Variants in ATCAY observed in about 807,000 individuals in gnomAD.
The protein encoded by ATCAY is caytaxin.
In ATCAY, 22 loss-of-function variants were observed where a neutral mutation model predicts 47.7. The ratio of observed to expected loss-of-function variants is 0.46; its 90% CI spans 0.33 to 0.66. ATCAY has a LOEUF of 0.66. Among genes scored for constraint, ATCAY ranks in the 30% least tolerant of loss-of-function variants. The pLI, the probability that ATCAY is intolerant of heterozygous loss-of-function variation, is 0.02. For synonymous variants in ATCAY, 216 were observed against 207.6 expected, an observed-to-expected ratio of 1.04 and a Z score of -0.35; for missense variants, 452 against 515.0, an observed-to-expected ratio of 0.88 and a Z score of 1.18.
At chr19:3,902,340 T>C in intron 2 of ATCAY, 147 bp from the exon 3 acceptor site, 1 of 739,938 alleles carries the variant, frequency 1.4e-6, no homozygotes, top group South Asian at 1.5e-5. Flanking sequence ...TGTATATATT[T>C]AGGTCCAGTG....
At chr19:3,886,493 G>A (rs946316122) in intron 2 of ATCAY, among the ~76,000 whole-genome samples, 14 of 151,846 alleles carry the variant, frequency 9.2e-5, no homozygotes, top group African/African-American at 3.4e-4. Context: ...GGGAGGCTGA[G>A]GCAGGAGAAT....
intron 7 of ATCAY, among the ~76,000 whole-genome samples, chr19:3,910,207 G>GTCCTT (rs1242199844): frequency 6.6e-6 from 1 of 152,180 alleles, no homozygotes; most frequent in Non-Finnish European, 1.5e-5. Flanking sequence ...CACAGGATTT[G>GTCCTT]TCCTTTTGTG....
intron 2 of ATCAY, chr19:3,895,203 A>T (rs2038758111): frequency 4.4e-6 from 2 of 453,928 alleles, no homozygotes; most frequent in African/African-American, 4.2e-5. Flanking sequence ...GTCAGGTAAG[A>T]GCTAATGCTG....
rs1182992883 is a variant in ATCAY at position 3,885,614 on chromosome 19, A to G, written c.-41-113A>G. 5 of 491,736 alleles carry G rather than the reference A, an allele frequency of 1.0e-5. No individual in the cohort carries two copies. In the Admixed American group the frequency reaches 1.1e-4, roughly 11 times the overall value. 30.5% of individuals were successfully genotyped at this position (491,736 alleles called of 1,614,324 possible). A position where few individuals can be genotyped will look rare whatever the true frequency, so the allele number is the denominator to read the frequency against. On this transcript the variant is annotated intron_variant, in intron 1 of 12. Transcript: ENST00000450849. ...AGGAGAAAGGAGAGAGGGGGAGGGG[A>G]AGGGGGAGGGGGAGACGGAGGGGGA...
intron 12 of ATCAY, among the ~76,000 whole-genome samples, chr19:3,923,751 G>GAC (rs2039040360): frequency 6.7e-6 from 1 of 149,774 alleles, no homozygotes. Context: ...TGGATGGATG[G>GAC]GTAGATGGAT....
At chr19:3,895,250 C>G (rs531752413) in intron 2 of ATCAY, 1 of 453,904 alleles carries the variant, frequency 2.2e-6, no homozygotes, top group East Asian at 6.9e-5. Flanking sequence ...GAGTCTCACT[C>G]TGTCGCCAGG....
At chr19:3,913,373 C>T (rs1017711650) in intron 8 of ATCAY, among the ~76,000 whole-genome samples, 1 of 152,128 alleles carries the variant, frequency 6.6e-6, no homozygotes, top group Non-Finnish European at 1.5e-5. Context: ...CCGTCCTGTG[C>T]GGTGACATGG....
chr19:3,916,815 G>GT (rs879364855), intron 9 of ATCAY, among the ~76,000 whole-genome samples: 166 of 144,090 alleles, frequency 1.2e-3, no homozygotes, highest in African/African-American at 1.6e-3. Flanking sequence ...GGTTTTTCTG[G>GT]TTTTTTTTTT....
At chr19:3,906,738 C>T (rs1369971071) in intron 4 of ATCAY, among the ~76,000 whole-genome samples, 2 of 152,130 alleles carry the variant, frequency 1.3e-5, no homozygotes, top group Non-Finnish European at 2.9e-5. Context: ...ACTTTTTGAC[C>T]ATTTACTCCA....
intron 4 of ATCAY, among the ~76,000 whole-genome samples, chr19:3,906,161 A>T (rs1277752130): frequency 7.4e-6 from 1 of 134,860 alleles, no homozygotes; most frequent in Non-Finnish European, 1.6e-5. Context: ...ACAGAGCGAG[A>T]CTCCGTCTCA....
chr19:3,894,124 G>A (rs1238526274), intron 2 of ATCAY, among the ~76,000 whole-genome samples: 6 of 151,872 alleles, frequency 4.0e-5, no homozygotes, highest in African/African-American at 1.2e-4. Context: ...AGGCCAAGGC[G>A]GGAGGATCAC....
intron 12 of ATCAY, chr19:3,922,079 G>A: frequency 4.3e-6 from 3 of 691,196 alleles, no homozygotes; most frequent in Non-Finnish European, 7.9e-6. Flanking sequence ...TAGAGAAGCT[G>A]ACCCAAGCCT....
chr19:3,920,139 T>G (rs2039003549), intron 11 of ATCAY: 1 of 151,970 alleles, frequency 6.6e-6, no homozygotes, highest in Non-Finnish European at 1.5e-5. Flanking sequence ...AGGTCAGGAG[T>G]TCGAGACCAA....
At chr19:3,899,767 C>T (rs1262587446) in intron 2 of ATCAY, among the ~76,000 whole-genome samples, 1 of 152,102 alleles carries the variant, frequency 6.6e-6, no homozygotes, top group East Asian at 1.9e-4. Context: ...CCGCTAGGAC[C>T]TCTGGCAGCC....
At chr19:3,923,730 G>A in intron 12 of ATCAY, among the ~76,000 whole-genome samples, 1 of 151,370 alleles carries the variant, frequency 6.6e-6, no homozygotes, top group Admixed American at 6.6e-5. Context: ...GTAGATGAAT[G>A]GGTGGGTGGA....
chr19:3,924,538 T>C lies in ATCAY; in HGVS notation c.1107-45T>C, dbSNP rs1427785545. 3 of 1,613,344 alleles carry C rather than the reference T, an allele frequency of 1.9e-6. 1 individual carries two copies. In the South Asian group the frequency reaches 3.3e-5, roughly 18 times the overall value. On this transcript the variant is annotated intron_variant, in intron 12 of 12. Coordinates refer to ENST00000450849, the MANE Select transcript of ATCAY (RefSeq NM_033064.5). ...ACATGTAGAAGCGCATTTTGCACTT[T>C]TAACATTAACAGCAATAACTTGGCC...
intron 1 of ATCAY, among the ~76,000 whole-genome samples, chr19:3,883,635 T>A (rs893207631): frequency 8.5e-5 from 13 of 152,190 alleles, no homozygotes; most frequent in African/African-American, 3.1e-4. Context: ...GGGGCACTCC[T>A]TCCCCTCAGT....
chr19:3,902,622 G>A (rs1325690538), intron 3 of ATCAY, 77 bp downstream of exon 3: 9 of 1,471,370 alleles, frequency 6.1e-6, no homozygotes, highest in South Asian at 4.9e-5. Flanking sequence ...GGCTGTAACT[G>A]TAGAAATGTC....
At chr19:3,909,100 G>GTT (rs2038898902) in intron 6 of ATCAY, among the ~76,000 whole-genome samples, 1 of 119,102 alleles carries the variant, frequency 8.4e-6, no homozygotes, top group Admixed American at 9.4e-5. Context: ...AGCTGGGCTC[G>GTT]GTGGCAGGCG....
Sources: gnomAD v4.1 joint callset for allele counts (sites outside exome capture counted in the v4.1 genomes callset) on GRCh38, gnomAD v4.1.1 for gene constraint, MANE v1.5 for transcripts, NCBI Gene and HGNC (gene_info 2026-07-23, HGNC 2026-07-21) for gene names.